The following NOXRED1 variants were observed in gnomAD, a reference collection of about 807,000 sequenced individuals.
NOXRED1 encodes the protein NADP-dependent oxidoreductase domain-containing protein 1.
NOXRED1 carries 20 observed loss-of-function variants against 30.4 expected under a neutral mutation model. That is an observed-to-expected ratio of 0.66 (90% confidence interval 0.46 to 0.96). NOXRED1 has a LOEUF of 0.96. Ranked by LOEUF, NOXRED1 falls within the 40% of genes least tolerant of loss-of-function variation. The pLI is 0.00. For synonymous variants in NOXRED1, 155 were observed against 168.0 expected, an observed-to-expected ratio of 0.92 and a Z score of 0.60; for missense variants, 374 against 428.0, an observed-to-expected ratio of 0.87 and a Z score of 1.11.
Position 77,414,014 on chromosome 14 carries a change from T to G in NOXRED1, c.269A>C (p.Gln90Pro). Residue 90 changes from glutamine (Q) to proline (P), a missense_variant, in exon 2 of 6, where the codon CAG becomes CCG. Transcript: ENST00000380835. ...GIIGGGHLGKQLAGTLLQLGP... is the reference protein window; with the variant it reads ...GIIGGGHLGKPLAGTLLQLGP... ...AAGCTGCAGCAGTGTGCCAGCCAGC[T>G]GCTTCCCAAGGTGGCCACCTCCAAT... 6.2e-7 allele frequency: 1 copy of G among 1,612,678 alleles called. No homozygotes were observed. Among genetic ancestry groups the G allele is most frequent in the Non-Finnish European group, 8.5e-7 (1 of 1,178,902 alleles).
In NOXRED1 at chr14:77,422,749, T is replaced by C. The variant is rs367617483; in HGVS notation, c.141A>G (p.Leu47=). 122 of 1,613,994 alleles carry C rather than the reference T, an allele frequency of 7.6e-5. No homozygotes were observed. Among genetic ancestry groups the C allele is most frequent in the Non-Finnish European group, 9.6e-5 (113 of 1,179,984 alleles). The part of the protein sequence containing the change: ...ACAHATFFCK[L]LYNLRASLNK... ...ACTCGGCTTACCTCAAATTATATAA[T>C]AGTTTGCAGAAGAAGGTTGCATGGG... The change falls in exon 1 of 6, where the codon CTA becomes CTG. Residue 47 remains leucine (L), a synonymous_variant. Transcript: ENST00000380835.
chr14:77,401,024 G>T (rs921447978), intron 5 of NOXRED1, among the ~76,000 whole-genome samples: 1 of 152,152 alleles, frequency 6.6e-6, no homozygotes, highest in Admixed American at 6.5e-5. Flanking sequence ...CACATTCAAC[G>T]CAATGCCAAT....
intron 1 of NOXRED1, among the ~76,000 whole-genome samples, chr14:77,421,293 T>G (rs948022833): frequency 2.8e-4 from 43 of 152,366 alleles, no homozygotes; most frequent in African/African-American, 1.0e-3. Context: ...GCTGGAGGTT[T>G]CATAAAGGCT....
chr14:77,395,607 G>A (rs1389448190), intron 5 of NOXRED1, among the ~76,000 whole-genome samples: 3 of 151,810 alleles, frequency 2.0e-5, no homozygotes, highest in Non-Finnish European at 4.4e-5. Flanking sequence ...TTTGAGACCA[G>A]CCTGGACAAC....
At position 77,405,120 on chromosome 14, in the gene NOXRED1, C is replaced by A. The variant is rs150406273; in HGVS notation, c.905+793G>T. ...ACAAGAATGTTCAAAGCAGGCCAGG[C>A]GCACTGGCTCACACCTGTAATCCCA... On this transcript the variant is annotated intron_variant, in intron 5 of 5. Coordinates refer to ENST00000380835, the MANE Select transcript of NOXRED1 (RefSeq NM_001113475.3). Among the ~76,000 whole-genome samples the A allele has an allele frequency of 2.6e-4, 40 of 152,308 alleles. No homozygotes were observed. In the East Asian group the frequency reaches 5.2e-3, roughly 20 times the overall value.
intron 5 of NOXRED1, among the ~76,000 whole-genome samples, chr14:77,400,678 G>T (rs1894302528): frequency 6.6e-6 from 1 of 152,132 alleles, no homozygotes; most frequent in African/African-American, 2.4e-5. Flanking sequence ...AGTCTCTTAT[G>T]ACTTAGAATG....
At chr14:77,397,378 G>A (rs903466652) in intron 5 of NOXRED1, among the ~76,000 whole-genome samples, 1 of 152,194 alleles carries the variant, frequency 6.6e-6, no homozygotes, top group Non-Finnish European at 1.5e-5. Context: ...AAGTTACCAA[G>A]TTTGCAGCTG....
intron 1 of NOXRED1, among the ~76,000 whole-genome samples, chr14:77,421,582 T>TTA (rs1466682919): frequency 1.3e-5 from 2 of 152,138 alleles, no homozygotes; most frequent in African/African-American, 4.8e-5. Context: ...GGGTACAACT[T>TTA]TAAACTACAA....
At position 77,417,427 on chromosome 14, in the gene NOXRED1, T is replaced by A. The variant is rs1158523201; in HGVS notation, c.156-3300A>T. On this transcript the variant is annotated intron_variant, in intron 1 of 5. Coordinates refer to ENST00000380835, the MANE Select transcript of NOXRED1 (RefSeq NM_001113475.3). ...TACTATAATTGTATACCTTCAGTTATGTCAATATTTGCCTCATATATGTGG... is the reference window on the plus strand; with the variant it reads ...TACTATAATTGTATACCTTCAGTTAAGTCAATATTTGCCTCATATATGTGG... Among the ~76,000 whole-genome samples the A allele has an allele frequency of 3.3e-5, 5 of 152,266 alleles. 1 individual carries two copies. In the East Asian group the frequency reaches 9.6e-4, roughly 29 times the overall value.
At chr14:77,413,010 A>AT (rs912232815) in intron 2 of NOXRED1, among the ~76,000 whole-genome samples, 499 of 152,190 alleles carry the variant, frequency 3.3e-3, no homozygotes, top group African/African-American at 9.9e-3. Context: ...ATTATTTTAC[A>AT]TTTTTTATTA....
chr14:77,409,283 G>A (rs757028481), intron 2 of NOXRED1, among the ~76,000 whole-genome samples: 39 of 152,198 alleles, frequency 2.6e-4, no homozygotes, highest in Admixed American at 7.9e-4. Flanking sequence ...GGGACCTGGT[G>A]TGAGGTGATT....
chr14:77,422,286 T>C (rs1363321938), intron 1 of NOXRED1, among the ~76,000 whole-genome samples: 1 of 152,226 alleles, frequency 6.6e-6, no homozygotes, highest in Admixed American at 6.5e-5. Flanking sequence ...ATTCCTGGTT[T>C]CAAGGAAGTC....
chr14:77,399,322 G>T (rs1428317647), intron 5 of NOXRED1, among the ~76,000 whole-genome samples: 3 of 152,052 alleles, frequency 2.0e-5, no homozygotes, highest in Admixed American at 1.3e-4. Flanking sequence ...AAGCATGGTG[G>T]CATGTGCCTG....
intron 5 of NOXRED1, among the ~76,000 whole-genome samples, chr14:77,404,485 G>C (rs114348780): frequency 6.6e-6 from 1 of 152,236 alleles, no homozygotes; most frequent in African/African-American, 2.4e-5. Flanking sequence ...GAGTGGAGAT[G>C]GTGAATACAC....
intron 1 of NOXRED1, among the ~76,000 whole-genome samples, chr14:77,421,746 CT>C (rs1894998335): frequency 6.6e-6 from 1 of 152,188 alleles, no homozygotes; most frequent in South Asian, 2.1e-4. Flanking sequence ...ACTTTCGTTG[CT>C]ATATGACAGC....
At chr14:77,396,892 T>C (rs1894202531) in intron 5 of NOXRED1, among the ~76,000 whole-genome samples, 1 of 152,180 alleles carries the variant, frequency 6.6e-6, no homozygotes, top group African/African-American at 2.4e-5. Flanking sequence ...AAAATAAAAA[T>C]TATTGCCAAC....
intron 1 of NOXRED1, among the ~76,000 whole-genome samples, 176 bp downstream of exon 1, chr14:77,422,559 C>A (rs988114874): frequency 4.6e-5 from 7 of 152,124 alleles, no homozygotes; most frequent in Non-Finnish European, 8.8e-5. Context: ...AGCCAGGGGA[C>A]CCTGGTATAG....
intron 1 of NOXRED1, among the ~76,000 whole-genome samples, chr14:77,416,659 C>T (rs527857140): frequency 6.6e-6 from 1 of 152,256 alleles, no homozygotes; most frequent in South Asian, 2.1e-4. Context: ...ACCCTTCCCC[C>T]CTTTCTATTC....
rs552914000 is a variant in NOXRED1, at chr14:77,404,491, TAC to T, written c.905+1420_905+1421del. The stretch of plus-strand genomic sequence containing the variant: ...GGTGAGTTTGAGTGGAGATGGTGAA[TAC>T]ACAGTTACCTAGGCACAGCATTGAC... On this transcript the variant is annotated intron_variant, in intron 5 of 5. Transcript: ENST00000380835. Among the ~76,000 whole-genome samples, 306 of 152,250 alleles carry T rather than the reference TAC, an allele frequency of 2.0e-3. 1 individual carries two copies. Among genetic ancestry groups the T allele is most frequent in the African/African-American group, 6.9e-3 (288 of 41,548 alleles).
Sources: allele counts gnomAD v4.1 joint callset (sites outside exome capture counted in the v4.1 genomes callset), GRCh38; gene constraint gnomAD v4.1.1; transcripts MANE v1.5; gene names NCBI Gene and HGNC (gene_info 2026-07-23, HGNC 2026-07-21).